Variants in CORO2B observed in about 807,000 individuals in gnomAD.
CORO2B encodes coronin 2B.
CORO2B carries 26 observed loss-of-function variants against 58.8 expected under a neutral mutation model. That is an observed-to-expected ratio of 0.44 (90% confidence interval 0.32 to 0.61). CORO2B has a LOEUF of 0.61. Among genes scored for constraint, CORO2B ranks in the 20% least tolerant of loss-of-function variants. The pLI, the probability that CORO2B is intolerant of heterozygous loss-of-function variation, is 0.04. For missense variants in CORO2B, 460 were observed against 645.1 expected (o/e 0.71, Z 3.11); for synonymous variants, 242 against 253.8 (o/e 0.95, Z 0.44).
At chr15:68,575,490 G>A (rs1315407867), upstream of CORO2B, among the ~76,000 whole-genome samples, 3 of 149,114 alleles carry the variant, frequency 2.0e-5, no homozygotes, top group African/African-American at 7.4e-5. Flanking sequence ...GCCCACCACC[G>A]CGTCTGGCTA....
chr15:68,617,434 G>T (rs1284624998), intron 1 of CORO2B, among the ~76,000 whole-genome samples: 1 of 152,226 alleles, frequency 6.6e-6, no homozygotes, highest in Admixed American at 6.5e-5. Flanking sequence ...TCCCAGTTGT[G>T]CTACTCACCA....
At position 68,700,747 on chromosome 15, in the gene CORO2B, C is replaced by T. The variant is rs553039489; in HGVS notation, c.333+5491C>T. Among the ~76,000 whole-genome samples, 4 of 152,316 alleles carry T rather than the reference C, an allele frequency of 2.6e-5. No individual in the cohort carries two copies. The South Asian group carries it at 6.2e-4, about 24-fold the overall frequency. ...GCGGCTGGCAGGCGGCAGGGAAGGG[C>T]GCTATCGGTTTCCAAGCCTCGTGCT... On this transcript the variant is annotated intron_variant, in intron 3 of 11. Transcript: ENST00000261861.
chr15:68,692,534 A>G (rs866406018), intron 2 of CORO2B, among the ~76,000 whole-genome samples: 23 of 151,860 alleles, frequency 1.5e-4, no homozygotes, highest in Non-Finnish European at 2.2e-4. Flanking sequence ...GCAGTGAGCC[A>G]AGATCACACC....
At chr15:68,632,678 C>T in intron 1 of CORO2B, among the ~76,000 whole-genome samples, 1 of 152,336 alleles carries the variant, frequency 6.6e-6, no homozygotes, top group Non-Finnish European at 1.5e-5. Context: ...GCATCCTCCA[C>T]CTCCCTGGTT....
intron 3 of CORO2B, 93 bp downstream of exon 3, chr15:68,695,349 T>G (rs1367815161): frequency 3.4e-6 from 3 of 878,182 alleles, no homozygotes; most frequent in East Asian, 2.4e-5. Context: ...TCCTCCACCC[T>G]TTGCCCTTCT....
chr15:68,645,410 G>C lies in CORO2B; in HGVS notation c.216+50G>C. The C allele has an allele frequency of 6.4e-7, 1 of 1,572,260 alleles. No individual in the cohort carries two copies. The highest frequency in any genetic ancestry group is 1.1e-5 in the South Asian group (1 of 89,400). ...AGCTGCAGCTCCAGGGCAGAGAGGA[G>C]CCCTCCTTGGTCTCTCTTAGGCCTG... On this transcript the variant is annotated intron_variant, in intron 2 of 11. Transcript: ENST00000261861. The surrounding 1 kb of genome is among the most constrained non-coding windows in gnomAD (Gnocchi z 4.5).
chr15:68,666,469 G>A (rs1391282685), intron 2 of CORO2B, among the ~76,000 whole-genome samples: 3 of 152,198 alleles, frequency 2.0e-5, no homozygotes, highest in East Asian at 1.9e-4. Flanking sequence ...GAGTGGGTGA[G>A]TGGCCTTCCA....
intron 1 of CORO2B, among the ~76,000 whole-genome samples, chr15:68,636,689 C>G (rs1433904389): frequency 1.3e-5 from 2 of 152,222 alleles, no homozygotes; most frequent in Non-Finnish European, 2.9e-5. Context: ...TGGAGTGACT[C>G]CAGATCATGG....
intron 3 of CORO2B, among the ~76,000 whole-genome samples, chr15:68,708,279 G>A (rs1035974873): frequency 3.0e-4 from 46 of 152,094 alleles, no homozygotes; most frequent in Non-Finnish European, 3.5e-4. Flanking sequence ...ATTTGTCCAA[G>A]GAATTCCCTG....
intron 1 of CORO2B, among the ~76,000 whole-genome samples, chr15:68,631,318 C>T (rs899037811): frequency 6.6e-6 from 1 of 152,100 alleles, no homozygotes; most frequent in Non-Finnish European, 1.5e-5. Flanking sequence ...GCAGTGTTGC[C>T]CCCATTTTTA....
chr15:68,583,917 C>T (rs1899492241), intron 1 of CORO2B, among the ~76,000 whole-genome samples: 1 of 152,206 alleles, frequency 6.6e-6, no homozygotes, highest in African/African-American at 2.4e-5. Context: ...TCTGCCCACA[C>T]ACCCATTATG....
intron 1 of CORO2B, among the ~76,000 whole-genome samples, chr15:68,581,017 AGT>A (rs1899412997): frequency 6.6e-6 from 1 of 152,292 alleles, no homozygotes; most frequent in African/African-American, 2.4e-5. Context: ...ATCTATGGCC[AGT>A]GATCTTTGCA....
the CORO2B span, among the ~76,000 whole-genome samples, chr15:68,546,931 C>T: frequency 2.0e-5 from 3 of 152,084 alleles, no homozygotes; most frequent in East Asian, 3.9e-4. Flanking sequence ...TCGCATCTTA[C>T]GTACCAATGG....
the CORO2B span, among the ~76,000 whole-genome samples, chr15:68,556,981 C>T: frequency 6.6e-6 from 1 of 152,216 alleles, no homozygotes; most frequent in Admixed American, 6.5e-5. Flanking sequence ...CACTCAAGGA[C>T]TCAGCATAAC....
intron 1 of CORO2B, among the ~76,000 whole-genome samples, chr15:68,602,795 A>G (rs1900017366): frequency 6.6e-6 from 1 of 152,194 alleles, no homozygotes; most frequent in African/African-American, 2.4e-5. Flanking sequence ...GAACACTAAG[A>G]AGCAATTCCT....
chr15:68,609,963 A>T (rs953569327), intron 1 of CORO2B, among the ~76,000 whole-genome samples: 2 of 152,156 alleles, frequency 1.3e-5, no homozygotes, highest in African/African-American at 4.8e-5. Flanking sequence ...GGGACCCTGT[A>T]ATTGTGCAAC....
At chr15:68,690,488 C>T (rs998752052) in intron 2 of CORO2B, among the ~76,000 whole-genome samples, 7 of 152,134 alleles carry the variant, frequency 4.6e-5, no homozygotes, top group African/African-American at 9.7e-5. Flanking sequence ...GCTCTGTCTC[C>T]CTTCTTACTA....
At chr15:68,613,928 T>C (rs931436627) in intron 1 of CORO2B, among the ~76,000 whole-genome samples, 2 of 152,356 alleles carry the variant, frequency 1.3e-5, no homozygotes, top group East Asian at 1.9e-4. Context: ...AGCTTCCTTA[T>C]TATAGATTTA....
At chr15:68,585,447 T>TC (rs1289579924) in intron 1 of CORO2B, among the ~76,000 whole-genome samples, 1 of 152,186 alleles carries the variant, frequency 6.6e-6, no homozygotes, top group Non-Finnish European at 1.5e-5. Flanking sequence ...TGGGGTAGAT[T>TC]CTATTATCCA....
Sources: allele counts gnomAD v4.1 joint callset (sites outside exome capture counted in the v4.1 genomes callset), GRCh38; gene constraint gnomAD v4.1.1; non-coding constraint Gnocchi (gnomAD v3.1); transcripts MANE v1.5; gene names NCBI Gene and HGNC (gene_info 2026-07-23, HGNC 2026-07-21).